PTPRD: variants seen among roughly 807,000 people sequenced by gnomAD.
The protein encoded by PTPRD is receptor-type tyrosine-protein phosphatase delta.
A neutral mutation model predicts 214.5 loss-of-function variants in PTPRD; 34 were observed. The observed-to-expected ratio is 0.16, with a 90% CI of 0.12 to 0.21. PTPRD has a LOEUF of 0.21. Ranked by LOEUF, PTPRD falls within the 10% of genes least tolerant of loss-of-function variation. PTPRD has a pLI of 1.00. For missense variants in PTPRD, 2,545 were observed against 2,398.7 expected (o/e 1.06, Z -1.27); for synonymous variants, 1,128 against 845.7 (o/e 1.33, Z -5.79).
At chr9:9,751,149 T>C (rs1442063010) in intron 6 of PTPRD, among the ~76,000 whole-genome samples, 1 of 151,780 alleles carries the variant, frequency 6.6e-6, no homozygotes, top group Non-Finnish European at 1.5e-5. Flanking sequence ...TAGGTGCTAT[T>C]TTTAAATCTC....
At chr9:9,063,095 G>C (rs561994959) in intron 10 of PTPRD, among the ~76,000 whole-genome samples, 2 of 152,100 alleles carry the variant, frequency 1.3e-5, no homozygotes, top group Non-Finnish European at 2.9e-5. Context: ...GATTGTGTGT[G>C]AGAGGAATGA....
chr9:10,483,049 A>G (rs866324865), intron 2 of PTPRD, among the ~76,000 whole-genome samples: 7 of 152,330 alleles, frequency 4.6e-5, no homozygotes, highest in Middle Eastern at 3.4e-3. Flanking sequence ...TTGTAAGGCT[A>G]TAGTAACCAA....
At chr9:9,440,176 A>G (rs1045303969) in intron 8 of PTPRD, among the ~76,000 whole-genome samples, 2 of 152,208 alleles carry the variant, frequency 1.3e-5, no homozygotes, top group Non-Finnish European at 2.9e-5. Flanking sequence ...GGATAGAAGT[A>G]ATGTTATTGC....
intron 4 of PTPRD, among the ~76,000 whole-genome samples, chr9:10,012,224 G>A (rs1290677687): frequency 6.6e-6 from 1 of 151,712 alleles, no homozygotes; most frequent in Non-Finnish European, 1.5e-5. Flanking sequence ...AATATTAAAG[G>A]GATAATCATC....
chr9:9,289,993 C>T (rs980365548), intron 9 of PTPRD, among the ~76,000 whole-genome samples: 1 of 151,706 alleles, frequency 6.6e-6, no homozygotes, highest in African/African-American at 2.4e-5. Flanking sequence ...GTTGTTGAAT[C>T]ATGTCGTGGT....
At chr9:9,552,170 G>A (rs945289253) in intron 8 of PTPRD, among the ~76,000 whole-genome samples, 35 of 151,970 alleles carry the variant, frequency 2.3e-4, no homozygotes, top group African/African-American at 8.4e-4. Flanking sequence ...AAGGCTCAGA[G>A]AGGTAAATTG....
At chr9:8,349,141 G>C (rs933929398) in intron 39 of PTPRD, among the ~76,000 whole-genome samples, 2 of 152,092 alleles carry the variant, frequency 1.3e-5, no homozygotes, top group African/African-American at 2.4e-5. Context: ...CCCAGCATGG[G>C]AAAATTCCTT....
chr9:9,452,038 A>G (rs1471200701), intron 8 of PTPRD, among the ~76,000 whole-genome samples: 1 of 151,516 alleles, frequency 6.6e-6, no homozygotes, highest in African/African-American at 2.4e-5. Context: ...TGGAAGATAT[A>G]ATACCTCACA....
intron 8 of PTPRD, among the ~76,000 whole-genome samples, chr9:9,402,669 T>C (rs926421338): frequency 1.3e-5 from 2 of 151,802 alleles, no homozygotes; most frequent in Admixed American, 6.6e-5. Context: ...CAAACATAGA[T>C]TATGAAATGA....
intron 3 of PTPRD, among the ~76,000 whole-genome samples, chr9:10,331,958 G>C (rs1210141078): frequency 6.6e-6 from 1 of 151,802 alleles, no homozygotes; most frequent in Non-Finnish European, 1.5e-5. Context: ...TAAGCAAGGA[G>C]AAGGATATAT....
chr9:8,682,601 T>C (rs1250038900), intron 12 of PTPRD, among the ~76,000 whole-genome samples: 1 of 152,210 alleles, frequency 6.6e-6, no homozygotes, highest in Non-Finnish European at 1.5e-5. Flanking sequence ...CCTATGGCAA[T>C]TTGTTGTTAG....
chr9:10,033,407 C>G (rs528471567), intron 4 of PTPRD, among the ~76,000 whole-genome samples: 4 of 151,600 alleles, frequency 2.6e-5, no homozygotes, highest in East Asian at 3.9e-4. Flanking sequence ...GCCAAGGTGT[C>G]AATATATATA....
At chr9:8,915,797 T>A (rs1306778018) in intron 11 of PTPRD, among the ~76,000 whole-genome samples, 1 of 152,166 alleles carries the variant, frequency 6.6e-6, no homozygotes, top group Non-Finnish European at 1.5e-5. Flanking sequence ...ATGAGGCACA[T>A]CCACATTAGG....
chr9:9,938,134 G>T (rs1388815308), intron 5 of PTPRD, among the ~76,000 whole-genome samples: 1 of 152,116 alleles, frequency 6.6e-6, no homozygotes, highest in African/African-American at 2.4e-5. Flanking sequence ...ACTGAACAAT[G>T]TGTCAGTTGA....
chr9:10,221,017 C>A (rs1189751243), intron 3 of PTPRD, among the ~76,000 whole-genome samples: 1 of 151,780 alleles, frequency 6.6e-6, no homozygotes, highest in Non-Finnish European at 1.5e-5. Flanking sequence ...GGAAGAATCC[C>A]CCGAGGAAGA....
intron 3 of PTPRD, among the ~76,000 whole-genome samples, chr9:10,290,355 C>A (rs980259030): frequency 1.3e-5 from 2 of 152,056 alleles, no homozygotes; most frequent in African/African-American, 4.8e-5. Flanking sequence ...TTTCATACTG[C>A]AACGATCTAA....
At chr9:8,778,627 G>A (rs543117439) in intron 11 of PTPRD, among the ~76,000 whole-genome samples, 23 of 152,186 alleles carry the variant, frequency 1.5e-4, no homozygotes, top group African/African-American at 5.5e-4. Flanking sequence ...ACCTTCTACT[G>A]CCTAAGAGAT....
intron 32 of PTPRD, among the ~76,000 whole-genome samples, chr9:8,462,326 A>T (rs894514080): frequency 6.6e-6 from 1 of 151,974 alleles, no homozygotes; most frequent in Non-Finnish European, 1.5e-5. Context: ...CTCTTCTTCT[A>T]GTCTCATGAG....
At chr9:8,984,401 T>G (rs974254852) in intron 11 of PTPRD, among the ~76,000 whole-genome samples, 1 of 152,094 alleles carries the variant, frequency 6.6e-6, no homozygotes, top group Non-Finnish European at 1.5e-5. Flanking sequence ...CCAATTTTGA[T>G]AGTTATGCTT....
Sources: allele counts gnomAD v4.1 joint callset (sites outside exome capture counted in the v4.1 genomes callset), GRCh38; gene constraint gnomAD v4.1.1; transcripts MANE v1.5; gene names NCBI Gene and HGNC (gene_info 2026-07-23, HGNC 2026-07-21).